The following TENM3 variants were observed in gnomAD, a reference collection of about 807,000 sequenced individuals.
The protein encoded by TENM3 is teneurin-3.
A neutral mutation model predicts 255.1 loss-of-function variants in TENM3; 63 were observed. The observed-to-expected ratio is 0.25, with a 90% CI of 0.20 to 0.30. TENM3 has a LOEUF of 0.30. Ranked by LOEUF, TENM3 falls within the 10% of genes least tolerant of loss-of-function variation. The probability of loss-of-function intolerance (pLI) is 1.00; values close to 1 mark genes in which losing one functional copy is unlikely to be tolerated. For synonymous variants in TENM3, 1,306 were observed against 1,322.3 expected (o/e 0.99, Z 0.27); for missense variants, 2,929 against 3,461.1 (o/e 0.85, Z 3.86).
chr4:182,411,129 G>T lies in TENM3; in HGVS notation c.511+64200G>T, dbSNP rs78085122. On this transcript the variant is annotated intron_variant, in intron 3 of 27. Coordinates refer to ENST00000511685, the MANE Select transcript of TENM3 (RefSeq NM_001080477.4). ...ACTTATCCCTAAGTCCCACTCCAGTGGTCAAGAGCCATTAACCAAAGCCTG... is the reference window on the plus strand; with the variant it reads ...ACTTATCCCTAAGTCCCACTCCAGTTGTCAAGAGCCATTAACCAAAGCCTG... Among the ~76,000 whole-genome samples the T allele has an allele frequency of 6.8e-3, 1,028 of 152,274 alleles. 17 individuals carry two copies. Among genetic ancestry groups the T allele is most frequent in the African/African-American group, 0.021 (862 of 41,558 alleles).
At chr4:181,705,535 A>G in the TENM3 span, among the ~76,000 whole-genome samples, 6 of 152,192 alleles carry the variant, frequency 3.9e-5, no homozygotes, top group African/African-American at 1.4e-4. Context: ...TCTTTGATTG[A>G]TAAGTAAAAA....
chr4:182,034,601 TTTGG>T, the TENM3 span, among the ~76,000 whole-genome samples: 1 of 152,252 alleles, frequency 6.6e-6, no homozygotes, highest in South Asian at 2.1e-4. Flanking sequence ...TCCCTCGGCA[TTTGG>T]TTGTCTGGAA....
chr4:182,031,376 C>G, the TENM3 span, among the ~76,000 whole-genome samples: 4 of 151,892 alleles, frequency 2.6e-5, no homozygotes, highest in African/African-American at 4.8e-5. Flanking sequence ...ACATGTGGCC[C>G]TATTTCTGAG....
chr4:182,073,753 C>G, the TENM3 span, among the ~76,000 whole-genome samples: 3 of 152,124 alleles, frequency 2.0e-5, no homozygotes, highest in Admixed American at 2.0e-4. Context: ...TCAGTCTTGC[C>G]CCATCTCAGT....
At chr4:181,953,254 G>GCCA in the TENM3 span, among the ~76,000 whole-genome samples, 96 of 148,044 alleles carry the variant, frequency 6.5e-4, 1 homozygote, top group Admixed American at 1.8e-3. Context: ...AATGATGATG[G>GCCA]CCACCACCAC....
the TENM3 span, among the ~76,000 whole-genome samples, chr4:182,022,170 T>C: frequency 1.3e-4 from 19 of 144,368 alleles, no homozygotes; most frequent in Non-Finnish European, 1.2e-4. Flanking sequence ...GTGGATTGGA[T>C]AAAAAAAAAA....
At chr4:182,094,788 T>C in the TENM3 span, among the ~76,000 whole-genome samples, 1 of 151,992 alleles carries the variant, frequency 6.6e-6, no homozygotes, top group African/African-American at 2.4e-5. Context: ...AAGAGCAACA[T>C]GAATCAGAAA....
chr4:181,895,429 T>C, the TENM3 span, among the ~76,000 whole-genome samples: 1 of 151,858 alleles, frequency 6.6e-6, no homozygotes, highest in Non-Finnish European at 1.5e-5. Context: ...GCACACACAG[T>C]TACACAGCGG....
chr4:181,903,443 TC>T, the TENM3 span, among the ~76,000 whole-genome samples: 2 of 152,114 alleles, frequency 1.3e-5, no homozygotes, highest in East Asian at 1.9e-4. Flanking sequence ...ACTGTTCCTG[TC>T]CCCTCCTTTT....
intron 1 of TENM3, among the ~76,000 whole-genome samples, chr4:182,258,176 T>C (rs1758547325): frequency 6.6e-6 from 1 of 152,162 alleles, no homozygotes; most frequent in South Asian, 2.1e-4. Context: ...TTTACAAACA[T>C]GCATGTGTAT....
chr4:182,387,000 G>T (rs567175248), intron 3 of TENM3, among the ~76,000 whole-genome samples: 1 of 152,242 alleles, frequency 6.6e-6, no homozygotes, highest in Non-Finnish European at 1.5e-5. Flanking sequence ...ACTGGGTGAA[G>T]CCAGCTGGCC....
In TENM3 at chr4:182,263,599, C is replaced by G. The variant is rs963292101; in HGVS notation, c.-76+20123C>G. ...TTGAGGGACATGGGCAATTCCCCCCCCTACCTTCACGACAGCACCCTCAGC... is the reference window on the plus strand; with the variant it reads ...TTGAGGGACATGGGCAATTCCCCCCGCTACCTTCACGACAGCACCCTCAGC... On this transcript the variant is annotated intron_variant, in intron 1 of 27. Coordinates refer to ENST00000511685, the MANE Select transcript of TENM3 (RefSeq NM_001080477.4). Among the ~76,000 whole-genome samples the G allele has an allele frequency of 5.3e-5, 8 of 152,146 alleles. No homozygotes were observed. The East Asian group carries it at 5.8e-4, about 11-fold the overall frequency.
At chr4:181,888,617 T>G in the TENM3 span, among the ~76,000 whole-genome samples, 30 of 103,096 alleles carry the variant, frequency 2.9e-4, no homozygotes, top group South Asian at 2.1e-3. Context: ...TGTGTGTGTG[T>G]GGAAAGAGAG....
chr4:182,174,568 G>A (rs1182530644), intron 1 of TENM3, among the ~76,000 whole-genome samples: 1 of 149,844 alleles, frequency 6.7e-6, no homozygotes, highest in Non-Finnish European at 1.5e-5. Context: ...TGCCCCTTAA[G>A]CTCACCTGAA....
At chr4:182,029,579 T>C in the TENM3 span, among the ~76,000 whole-genome samples, 1 of 152,160 alleles carries the variant, frequency 6.6e-6, no homozygotes, top group Non-Finnish European at 1.5e-5. Context: ...TTTGTCATCA[T>C]ATAGTGATTT....
the TENM3 span, among the ~76,000 whole-genome samples, chr4:181,889,750 A>G: frequency 3.9e-5 from 6 of 152,172 alleles, no homozygotes; most frequent in African/African-American, 9.7e-5. Context: ...TTTTGGGAAG[A>G]GTGTGGAAAT....
At chr4:181,837,259 G>A in the TENM3 span, among the ~76,000 whole-genome samples, 2 of 151,806 alleles carry the variant, frequency 1.3e-5, no homozygotes, top group Non-Finnish European at 2.9e-5. Flanking sequence ...ACATAATATT[G>A]AATGGAAGTG....
the TENM3 span, among the ~76,000 whole-genome samples, chr4:181,506,668 G>C: frequency 6.6e-6 from 1 of 151,640 alleles, no homozygotes; most frequent in Non-Finnish European, 1.5e-5. Flanking sequence ...GAGTAAAAAG[G>C]CCAAATCTCA....
At chr4:182,196,407 G>A (rs1001555064) in intron 1 of TENM3, among the ~76,000 whole-genome samples, 2 of 152,128 alleles carry the variant, frequency 1.3e-5, no homozygotes, top group Non-Finnish European at 2.9e-5. Context: ...CAGAAGGTTG[G>A]TAATTCACCA....
Sources: gnomAD v4.1 joint callset for allele counts (sites outside exome capture counted in the v4.1 genomes callset) on GRCh38, gnomAD v4.1.1 for gene constraint, MANE v1.5 for transcripts, NCBI Gene and HGNC (gene_info 2026-07-23, HGNC 2026-07-21) for gene names.